Variants in PTPRD observed in about 807,000 individuals in gnomAD.
PTPRD encodes the protein protein tyrosine phosphatase receptor type D.
A neutral mutation model predicts 214.5 loss-of-function variants in PTPRD; 34 were observed. The ratio of observed to expected loss-of-function variants is 0.16; its 90% CI spans 0.12 to 0.21. PTPRD has a LOEUF of 0.21. Among genes scored for constraint, PTPRD ranks in the 10% least tolerant of loss-of-function variants. The pLI is 1.00. For missense variants in PTPRD, 2,545 were observed against 2,398.7 expected, an observed-to-expected ratio of 1.06 and a Z score of -1.27; for synonymous variants, 1,128 against 845.7, an observed-to-expected ratio of 1.33 and a Z score of -5.79.
In PTPRD at chr9:9,975,992, A is replaced by G. The variant is rs77351532; in HGVS notation, c.-471-37382T>C. Among the ~76,000 whole-genome samples, 437 of 152,316 alleles carry G rather than the reference A, an allele frequency of 2.9e-3. 1 individual carries two copies. Among genetic ancestry groups the G allele is most frequent in the African/African-American group, 9.5e-3 (395 of 41,574 alleles). The stretch of plus-strand genomic sequence containing the variant: ...TAGAAGGCATTCCCTTCAGGTCATT[A>G]TCAGCTTTGGATAGCTGGAGTAAAC... On this transcript the variant is annotated intron_variant, in intron 4 of 45. Coordinates refer to ENST00000381196, the MANE Select transcript of PTPRD (RefSeq NM_002839.4).
intron 2 of PTPRD, among the ~76,000 whole-genome samples, chr9:10,456,766 T>C (rs2098920856): frequency 6.6e-6 from 1 of 151,944 alleles, no homozygotes; most frequent in African/African-American, 2.4e-5. Flanking sequence ...TTATACTTCC[T>C]TAATTTTCTT....
chr9:9,960,793 C>A (rs188190752), intron 4 of PTPRD, among the ~76,000 whole-genome samples: 1 of 152,060 alleles, frequency 6.6e-6, no homozygotes, highest in Non-Finnish European at 1.5e-5. Flanking sequence ...TATCCATGAA[C>A]ATTTATTAAA....
intron 10 of PTPRD, among the ~76,000 whole-genome samples, chr9:9,044,805 A>T (rs2099667066): frequency 6.6e-6 from 1 of 152,120 alleles, no homozygotes; most frequent in South Asian, 2.1e-4. Flanking sequence ...ATTAATTACC[A>T]TTTAGAAGGA....
At chr9:10,476,195 T>C (rs2099061395) in intron 2 of PTPRD, among the ~76,000 whole-genome samples, 1 of 152,130 alleles carries the variant, frequency 6.6e-6, no homozygotes, top group Admixed American at 6.6e-5. Context: ...AGTCAAATTG[T>C]CTCTGTTTGC....
At chr9:8,449,984 G>A (rs971654757) in intron 33 of PTPRD, 147 bp from the exon 34 acceptor site, 1 of 734,762 alleles carries the variant, frequency 1.4e-6, no homozygotes, top group Non-Finnish European at 2.2e-6. Flanking sequence ...CCCAGTTCGG[G>A]TTGCTTTTCC....
chr9:9,373,147 A>G (rs1404341575), intron 9 of PTPRD, among the ~76,000 whole-genome samples: 2 of 152,054 alleles, frequency 1.3e-5, no homozygotes, highest in Non-Finnish European at 2.9e-5. Context: ...CAGAGGCTGT[A>G]TAGTACAAAG....
At chr9:10,554,945 C>G (rs2062164031) in intron 2 of PTPRD, among the ~76,000 whole-genome samples, 1 of 152,106 alleles carries the variant, frequency 6.6e-6, no homozygotes, top group Admixed American at 6.6e-5. Context: ...CAGGCGTGAG[C>G]CACCGCTCCA....
intron 5 of PTPRD, among the ~76,000 whole-genome samples, chr9:9,769,327 T>C (rs1198683921): frequency 1.6e-5 from 2 of 126,396 alleles, no homozygotes; most frequent in African/African-American, 6.3e-5. Flanking sequence ...CTTTTTTTTT[T>C]TTTTTTTTTT....
At position 8,448,252 on chromosome 9, in the gene PTPRD, C is replaced by T. The variant is rs377587316; in HGVS notation, c.3988+1473G>A. Among the ~76,000 whole-genome samples, 600 of 152,216 alleles carry T rather than the reference C, an allele frequency of 3.9e-3. 4 individuals carry two copies. Among genetic ancestry groups the T allele is most frequent in the African/African-American group, 0.014 (575 of 41,528 alleles). On this transcript the variant is annotated intron_variant, in intron 34 of 45. Transcript: ENST00000381196. Reference sequence around the variant, plus strand: ...CTGAGGTAGGGGGATCACCTGATCCCGGGAGGTTGAGGCTGCAGTGAGCCG... The same window carrying T: ...CTGAGGTAGGGGGATCACCTGATCCTGGGAGGTTGAGGCTGCAGTGAGCCG...
At chr9:10,056,447 A>C (rs754598242) in intron 3 of PTPRD, among the ~76,000 whole-genome samples, 14 of 152,232 alleles carry the variant, frequency 9.2e-5, no homozygotes, top group South Asian at 2.1e-4. Flanking sequence ...CTGGAAAGAA[A>C]AAAAAAAACT....
At chr9:9,348,121 T>C (rs2049622860) in intron 9 of PTPRD, among the ~76,000 whole-genome samples, 1 of 152,150 alleles carries the variant, frequency 6.6e-6, no homozygotes, top group Admixed American at 6.6e-5. Context: ...TCTTTCAATG[T>C]TCCCACCAAA....
intron 3 of PTPRD, among the ~76,000 whole-genome samples, chr9:10,056,836 G>A (rs1299835133): frequency 6.6e-6 from 1 of 152,102 alleles, no homozygotes; most frequent in African/African-American, 2.4e-5. Context: ...GGTCACTTGA[G>A]TATTATTTAT....
intron 3 of PTPRD, among the ~76,000 whole-genome samples, chr9:10,302,196 CT>C (rs1314240333): frequency 6.6e-6 from 1 of 152,162 alleles, no homozygotes; most frequent in Non-Finnish European, 1.5e-5. Flanking sequence ...AAATAAAATC[CT>C]TTATAGGCAA....
At chr9:9,679,406 T>C (rs181661540) in intron 7 of PTPRD, among the ~76,000 whole-genome samples, 4 of 152,016 alleles carry the variant, frequency 2.6e-5, no homozygotes, top group Admixed American at 2.0e-4. Context: ...TAATTACCTA[T>C]AGAAGAAACA....
intron 3 of PTPRD, among the ~76,000 whole-genome samples, chr9:10,052,422 A>G (rs2097550491): frequency 6.6e-6 from 1 of 152,132 alleles, no homozygotes; most frequent in Non-Finnish European, 1.5e-5. Flanking sequence ...CCCACCTTCA[A>G]ATCATCTGTT....
At chr9:10,109,812 C>G (rs979651968) in intron 3 of PTPRD, among the ~76,000 whole-genome samples, 1 of 151,948 alleles carries the variant, frequency 6.6e-6, no homozygotes, top group Non-Finnish European at 1.5e-5. Flanking sequence ...AGAAAATGAA[C>G]TATCTGGTTA....
At chr9:9,461,718 T>C (rs188724906) in intron 8 of PTPRD, among the ~76,000 whole-genome samples, 47 of 152,164 alleles carry the variant, frequency 3.1e-4, no homozygotes, top group African/African-American at 9.6e-4. Flanking sequence ...ATAACCTCTA[T>C]GTTAGGAATT....
At position 9,501,605 on chromosome 9, in the gene PTPRD, T is replaced by C. The variant is rs148289183; in HGVS notation, c.-237+73127A>G. ...TCAACTATGCCCAAAGACTGGAGAA[T>C]AGATTTTCTTTCCAAGTGCGTATGA... On this transcript the variant is annotated intron_variant, in intron 8 of 45. Transcript: ENST00000381196. Among the ~76,000 whole-genome samples, 313 of 151,994 alleles carry C rather than the reference T, an allele frequency of 2.1e-3. 2 individuals carry two copies. Among genetic ancestry groups the C allele is most frequent in the African/African-American group, 7.2e-3 (300 of 41,542 alleles).
chr9:9,087,152 A>G (rs2099768216), intron 10 of PTPRD, among the ~76,000 whole-genome samples: 1 of 152,088 alleles, frequency 6.6e-6, no homozygotes, highest in Admixed American at 6.6e-5. Context: ...TGTTTTTCCA[A>G]CATTACTTAA....
Sources: allele counts gnomAD v4.1 joint callset (sites outside exome capture counted in the v4.1 genomes callset), GRCh38; gene constraint gnomAD v4.1.1; transcripts MANE v1.5; gene names NCBI Gene and HGNC (gene_info 2026-07-23, HGNC 2026-07-21).